ZNF66: variants seen among roughly 807,000 people sequenced by gnomAD.
ZNF66 encodes the protein zinc finger protein 66, also known as putative zinc finger protein 66.
Under a neutral mutation model 35.2 loss-of-function variants are expected in ZNF66, and 32 were observed. That is an observed-to-expected ratio of 0.91 (90% confidence interval 0.69 to 1.22). The LOEUF (loss-of-function observed/expected upper bound fraction) is 1.22, where lower values mean the gene tolerates loss of function less well. Ranked by LOEUF, ZNF66 falls within the 50% of genes most tolerant of loss-of-function variation. The probability of loss-of-function intolerance (pLI) is 0.00; values close to 1 mark genes in which losing one functional copy is unlikely to be tolerated. For missense variants in ZNF66, 666 were observed against 543.1 expected (o/e 1.23, Z -2.25); for synonymous variants, 231 against 181.3 (o/e 1.27, Z -2.20).
intron 3 of ZNF66, among the ~76,000 whole-genome samples, chr19:20,800,410 T>A (rs571614808): frequency 6.6e-6 from 1 of 152,342 alleles, no homozygotes; most frequent in South Asian, 2.1e-4. Flanking sequence ...GTATTTTATG[T>A]ATCTATGAAG....
Position 20,806,506 on chromosome 19 carries a change from A to G in ZNF66, c.906A>G (p.Thr302=). 2 of 1,522,890 alleles carry G rather than the reference A, an allele frequency of 1.3e-6. No homozygotes were observed. Among genetic ancestry groups the G allele is most frequent in the Non-Finnish European group, 1.8e-6 (2 of 1,098,278 alleles). 94.3% of individuals were successfully genotyped at this position (1,522,890 alleles called of 1,614,324 possible). A position where few individuals can be genotyped will look rare whatever the true frequency, so the allele number is the denominator to read the frequency against. ...TTAAGTACCTTTCTTCCCTTTCTACACATAAGATAATTCATACTGGAGAGA... is the reference window on the plus strand; with the variant it reads ...TTAAGTACCTTTCTTCCCTTTCTACGCATAAGATAATTCATACTGGAGAGA... ...KVFKYLSSLS[T]HKIIHTGEKP... is the part of the protein sequence containing the mutation. Residue 302 remains threonine (T), a synonymous_variant, in exon 4 of 4, where the codon ACA becomes ACG. Coordinates refer to ENST00000344519, the MANE Select transcript of ZNF66 (RefSeq NM_001355197.2).
At chr19:20,795,372 C>CT (rs71174747) in intron 3 of ZNF66, among the ~76,000 whole-genome samples, 15,638 of 143,142 alleles carry the variant, frequency 0.11, 881 homozygotes, top group Non-Finnish European at 0.13. Context: ...TTTTCTTTTT[C>CT]TTTTTTTTTT....
intron 3 of ZNF66, among the ~76,000 whole-genome samples, chr19:20,798,696 A>C (rs771210745): frequency 6.6e-6 from 1 of 152,224 alleles, no homozygotes; most frequent in Non-Finnish European, 1.5e-5. Context: ...CACTCTTTCC[A>C]GCCCTTGACA....
intron 1 of ZNF66, among the ~76,000 whole-genome samples, chr19:20,783,667 AC>A (rs1331997563): frequency 6.6e-6 from 1 of 152,216 alleles, no homozygotes; most frequent in Non-Finnish European, 1.5e-5. Context: ...TTTGACAGAA[AC>A]CTGATTATCC....
At chr19:20,781,436 C>T (rs1020166949) in intron 1 of ZNF66, among the ~76,000 whole-genome samples, 14 of 152,116 alleles carry the variant, frequency 9.2e-5, no homozygotes, top group African/African-American at 2.9e-4. Context: ...TCTTTGTGTT[C>T]GTGTGTTCTT....
chr19:20,782,063 C>T (rs1568493820), intron 1 of ZNF66, among the ~76,000 whole-genome samples: 1 of 152,150 alleles, frequency 6.6e-6, no homozygotes, highest in Admixed American at 6.5e-5. Context: ...CTCATCTTCC[C>T]AAGAAGCTAG....
chr19:20,786,378 T>G (rs1257586305), intron 1 of ZNF66, among the ~76,000 whole-genome samples: 3 of 152,176 alleles, frequency 2.0e-5, no homozygotes, highest in African/African-American at 7.2e-5. Context: ...AGACTGAAAC[T>G]GATTCAGAGA....
In ZNF66 at chr19:20,792,515, C is replaced by T. The variant is rs1359824339; in HGVS notation, c.7C>T (p.Pro3Ser). MG[P>S]LQFRDVAIEF... is the part of the protein sequence containing the mutation. ...TGTGTGTGTGTATATTTTTCAGGGG[C>T]CATTGCAATTTAGAGATGTGGCCAT... The change falls in exon 2 of 4, where the codon CCA becomes TCA. Residue 3 changes from proline to serine, a missense_variant. Pro to Ser is a moderately conservative substitution (Grantham distance 74). Coordinates refer to ENST00000344519, the MANE Select transcript of ZNF66 (RefSeq NM_001355197.2). 3.3e-6 allele frequency: 5 copies of T among 1,526,146 alleles called. No individual in the cohort carries two copies. The Admixed American group carries it at 9.0e-5, about 27-fold the overall frequency. 94.5% of individuals were successfully genotyped at this position (1,526,146 alleles called of 1,614,324 possible). A position where few individuals can be genotyped will look rare whatever the true frequency, so the allele number is the denominator to read the frequency against.
rs958264408 is a variant in ZNF66 at position 20,808,467 on chromosome 19, C to T, written c.*1145C>T. ...ACACCCCAGTAGGGGCAGACTGACA[C>T]TTCACACGGCTGGGTACTCCTCATA... On this transcript the variant is annotated 3_prime_UTR_variant, in exon 4 of 4. Transcript: ENST00000344519. Among the ~76,000 whole-genome samples the T allele has an allele frequency of 1.4e-4, 21 of 152,262 alleles. No individual in the cohort carries two copies. The highest frequency in any genetic ancestry group is 9.2e-4 in the Admixed American group (14 of 15,290).
Position 20,807,655 on chromosome 19 carries a change from A to G in ZNF66, c.*333A>G, listed in dbSNP as rs776228446. On this transcript the variant is annotated 3_prime_UTR_variant, in exon 4 of 4. Coordinates refer to ENST00000344519, the MANE Select transcript of ZNF66 (RefSeq NM_001355197.2). Reference sequence around the variant, plus strand: ...GAATACAATGTGATGATCTCGGATCACTGAAACCTCTGCCTCCCGGGTTCA... The same window carrying G: ...GAATACAATGTGATGATCTCGGATCGCTGAAACCTCTGCCTCCCGGGTTCA... Among the ~76,000 whole-genome samples, 3 of 150,738 alleles carry G rather than the reference A, an allele frequency of 2.0e-5. No homozygotes were observed. Among genetic ancestry groups the G allele is most frequent in the Admixed American group, 6.6e-5 (1 of 15,086 alleles).
rs560706457 is a variant in ZNF66 at position 20,806,907 on chromosome 19, G to A, written c.1307G>A (p.Arg436Gln). The A allele has an allele frequency of 8.4e-5, 103 of 1,229,896 alleles. 1 individual carries two copies. In the South Asian group the frequency reaches 1.1e-3, roughly 14 times the overall value. 76.2% of individuals were successfully genotyped at this position (1,229,896 alleles called of 1,614,324 possible). Residue 436 changes from arginine (R) to glutamine (Q), a missense_variant, in exon 4 of 4, where the codon CGG becomes CAG. Arg to Gln is a conservative substitution (Grantham distance 43). Coordinates refer to ENST00000344519, the MANE Select transcript of ZNF66 (RefSeq NM_001355197.2). ...GAAGAATGTGGCAAAGCCTTCAGTC[G>A]GTCCTCTATTCTTACTACACATAAG... ...KCEECGKAFS[R>Q]SSILTTHKII... is the part of the protein sequence containing the mutation.
chr19:20,783,536 C>T (rs1465515190), intron 1 of ZNF66, among the ~76,000 whole-genome samples: 3 of 151,804 alleles, frequency 2.0e-5, no homozygotes, highest in Non-Finnish European at 4.4e-5. Context: ...ATTTTTAGTC[C>T]TTTAAGGTAG....
At chr19:20,778,272 T>C (rs1245660042) in intron 1 of ZNF66, among the ~76,000 whole-genome samples, 1 of 152,090 alleles carries the variant, frequency 6.6e-6, no homozygotes, top group Admixed American at 6.5e-5. Context: ...GCCAATTTTT[T>C]TGTGTTTTTA....
intron 3 of ZNF66, chr19:20,794,429 GTTTA>G (rs1174943554): frequency 6.6e-6 from 1 of 151,300 alleles, no homozygotes; most frequent in Non-Finnish European, 1.5e-5. Context: ...GCTATTCAAA[GTTTA>G]TTTTAGTTTC....
chr19:20,789,078 A>AACC (rs1337889887), intron 1 of ZNF66, among the ~76,000 whole-genome samples: 2 of 152,130 alleles, frequency 1.3e-5, no homozygotes, highest in Non-Finnish European at 2.9e-5. Context: ...TACCCTAGAA[A>AACC]ACCTTAAAGG....
chr19:20,783,785 A>G (rs13343536), intron 1 of ZNF66, among the ~76,000 whole-genome samples: 14,169 of 152,228 alleles, frequency 0.093, 672 homozygotes, highest in Middle Eastern at 0.11. Flanking sequence ...CTTGTTTTCT[A>G]TTTATTACTT....
Position 20,807,205 on chromosome 19 carries a change from A to G in ZNF66, c.1605A>G (p.Lys535=). The G allele has an allele frequency of 1.4e-6, 1 of 736,752 alleles. No individual in the cohort carries two copies. Among genetic ancestry groups the G allele is most frequent in the South Asian group, 1.6e-5 (1 of 61,772 alleles). 45.6% of individuals were successfully genotyped at this position (736,752 alleles called of 1,614,324 possible). Residue 535 remains lysine, a synonymous_variant, in exon 4 of 4, where the codon AAA becomes AAG. Coordinates refer to ENST00000344519, the MANE Select transcript of ZNF66 (RefSeq NM_001355197.2). ...TRHKKIHTGG[K]PHKCNKCGKA... is the part of the protein sequence containing the mutation. ...ATAAGAAAATTCATACTGGAGGGAA[A>G]CCACACAAGTGCAATAAATGTGGCA...
Position 20,795,517 on chromosome 19 carries a change from G to A in ZNF66, c.226+1639G>A, listed in dbSNP as rs11882960. 3.3e-3 allele frequency among the ~76,000 whole-genome samples: 506 copies of A among 151,912 alleles called. 4 individuals are homozygous for A. The highest frequency in any genetic ancestry group is 0.01 in the African/African-American group (421 of 41,428). On this transcript the variant is annotated intron_variant, in intron 3 of 3. Transcript: ENST00000344519. ...CAAGTAGCTGCAAATACAGGCATGC[G>A]CCACCATGCCTGGGTAATTTTGTAT...
rs1971533553 is a variant in ZNF66, at chr19:20,807,473, G to A, written c.*151G>A. ...CAAACACTACAAATATAAAGAATGT[G>A]ACAAAGCTTTTAGGAAGTTCTCAAC... On this transcript the variant is annotated 3_prime_UTR_variant, in exon 4 of 4. Coordinates refer to ENST00000344519, the MANE Select transcript of ZNF66 (RefSeq NM_001355197.2). 6.6e-6 allele frequency among the ~76,000 whole-genome samples: 1 copy of A among 151,948 alleles called. No individual in the cohort carries two copies. Among genetic ancestry groups the A allele is most frequent in the South Asian group, 2.1e-4 (1 of 4,830 alleles).
Sources: gnomAD v4.1 joint callset for allele counts (sites outside exome capture counted in the v4.1 genomes callset) on GRCh38, gnomAD v4.1.1 for gene constraint, MANE v1.5 for transcripts, NCBI Gene and HGNC (gene_info 2026-07-23, HGNC 2026-07-21) for gene names.